EPC2: variants seen among roughly 807,000 people sequenced by gnomAD.
EPC2 encodes enhancer of polycomb homolog 2.
In EPC2, 14 loss-of-function variants were observed where a neutral mutation model predicts 92.1. The observed-to-expected ratio is 0.15, with a 90% CI of 0.10 to 0.24. EPC2 has a LOEUF of 0.24. Ranked by LOEUF, EPC2 falls within the 10% of genes least tolerant of loss-of-function variation. EPC2 has a pLI of 1.00. For synonymous variants in EPC2, 340 were observed against 334.7 expected, an observed-to-expected ratio of 1.02 and a Z score of -0.17; for missense variants, 755 against 971.5, an observed-to-expected ratio of 0.78 and a Z score of 2.96.
Position 148,699,692 on chromosome 2 carries a change from G to T in EPC2, c.313+9319G>T, listed in dbSNP as rs115188099. ...CAGTTTCACAGCTATAAATAAAACT[G>T]CTCTAAACATTTGTATGTAGGTTTT... is the stretch of plus-strand genomic sequence containing the variant. On this transcript the variant is annotated intron_variant, in intron 2 of 13. Transcript: ENST00000258484. 7.1e-3 allele frequency among the ~76,000 whole-genome samples: 1,085 copies of T among 152,236 alleles called. 5 individuals carry two copies. Among genetic ancestry groups the T allele is most frequent in the African/African-American group, 0.025 (1,019 of 41,534 alleles).
At chr2:148,646,197 C>T (rs1683797651) in intron 1 of EPC2, among the ~76,000 whole-genome samples, 1 of 152,136 alleles carries the variant, frequency 6.6e-6, no homozygotes, top group Non-Finnish European at 1.5e-5. Context: ...TGGATTGGTT[C>T]TCTTGCTTCA....
chr2:148,720,783 C>A (rs1682354569), intron 2 of EPC2, among the ~76,000 whole-genome samples: 1 of 152,190 alleles, frequency 6.6e-6, no homozygotes, highest in Admixed American at 6.5e-5. Context: ...CGCCACCCTG[C>A]TTTTCCTCAT....
Position 148,781,790 on chromosome 2 carries a change from T to C in EPC2, c.1857+10T>C. 6.2e-7 allele frequency: 1 copy of C among 1,613,138 alleles called. No individual in the cohort carries two copies. Among genetic ancestry groups the C allele is most frequent in the Non-Finnish European group, 8.5e-7 (1 of 1,179,572 alleles). ...ACATCCAAAAGCACAGGTAAACTGC[T>C]CTTTTCGTCATAGTTACGTTTGTTT... On this transcript the variant is annotated intron_variant, in intron 11 of 13. Transcript: ENST00000258484.
At chr2:148,672,118 C>G (rs6744280) in intron 1 of EPC2, among the ~76,000 whole-genome samples, 1,524 of 152,234 alleles carry the variant, frequency 0.01, 25 homozygotes, top group African/African-American at 0.034. Flanking sequence ...ATTACTGACT[C>G]AGTCTTCTTA....
At chr2:148,730,464 G>A (rs2105397363) in intron 2 of EPC2, among the ~76,000 whole-genome samples, 1 of 152,320 alleles carries the variant, frequency 6.6e-6, no homozygotes, top group Middle Eastern at 3.4e-3. Context: ...TGTGGGTTTA[G>A]AGCAGTATTT....
chr2:148,763,688 T>C (rs575805947), intron 6 of EPC2, among the ~76,000 whole-genome samples: 6 of 152,332 alleles, frequency 3.9e-5, no homozygotes, highest in African/African-American at 1.4e-4. Flanking sequence ...TTCTTTCTTA[T>C]TAATCACAGG....
At chr2:148,767,672 C>G (rs1683435599) in intron 7 of EPC2, among the ~76,000 whole-genome samples, 1 of 152,118 alleles carries the variant, frequency 6.6e-6, no homozygotes, top group Admixed American at 6.5e-5. Context: ...ACATTTTAAC[C>G]AGACTTATGC....
chr2:148,716,982 C>G (rs2105388064), intron 2 of EPC2, among the ~76,000 whole-genome samples: 1 of 152,116 alleles, frequency 6.6e-6, no homozygotes, highest in African/African-American at 2.4e-5. Context: ...GTGTATGTGT[C>G]CAGGAATTTA....
intron 1 of EPC2, among the ~76,000 whole-genome samples, chr2:148,687,299 T>C (rs932552894): frequency 1.3e-5 from 2 of 152,248 alleles, no homozygotes; most frequent in African/African-American, 4.8e-5. Context: ...CTTACGGGAA[T>C]GTTGTGGCTG....
chr2:148,690,663 T>C (rs2105371603), intron 2 of EPC2, among the ~76,000 whole-genome samples: 1 of 152,084 alleles, frequency 6.6e-6, no homozygotes, highest in South Asian at 2.1e-4. Flanking sequence ...CCAAATGAGA[T>C]TTCCTTTTTT....
At chr2:148,761,741 A>G (rs1398825712) in intron 4 of EPC2, 41 bp from the exon 5 acceptor site, 1 of 1,324,340 alleles carries the variant, frequency 7.6e-7, no homozygotes, top group African/African-American at 1.5e-5. Flanking sequence ...AAATGTAGAT[A>G]ACTGTGTTGT....
intron 2 of EPC2, among the ~76,000 whole-genome samples, chr2:148,723,668 C>T (rs1054539909): frequency 6.6e-6 from 1 of 152,192 alleles, no homozygotes; most frequent in Non-Finnish European, 1.5e-5. Flanking sequence ...AAGTTTCTTA[C>T]GTGCCTACCT....
chr2:148,781,738 G>A lies in EPC2; in HGVS notation c.1815G>A (p.Gln605=), dbSNP rs778815267. Reference sequence around the variant, plus strand: ...AACTTGCCCAGCTTCAGCAGAAACAGCAATCTCAGCATTCCTCGCAACAGA... The same window carrying A: ...AACTTGCCCAGCTTCAGCAGAAACAACAATCTCAGCATTCCTCGCAACAGA... ...RQQLAQLQQK[Q]QSQHSSQQTH... Residue 605 remains glutamine (Q), a synonymous_variant, in exon 11 of 14, where the codon CAG becomes CAA. Transcript: ENST00000258484. 6.8e-6 allele frequency: 11 copies of A among 1,613,876 alleles called. No homozygotes were observed. In the African/African-American group the frequency reaches 1.2e-4, roughly 18 times the overall value.
chr2:148,765,145 A>T lies in EPC2; in HGVS notation c.1139A>T (p.Gln380Leu). 6.5e-7 allele frequency: 1 copy of T among 1,532,530 alleles called. No individual in the cohort carries two copies. Among genetic ancestry groups the T allele is most frequent in the South Asian group, 1.3e-5 (1 of 75,834 alleles). The allele number at this position is 1,532,530 out of a possible 1,614,324, so 94.9% of individuals were successfully genotyped here. ...FHSSDEDEFP[Q>L]VLSPVSEPEE... ...AGCTCAGATGAAGATGAATTTCCAC[A>T]GGTGCTTGTTTTAAAATATTTTAAA... Residue 380 changes from glutamine (Q) to leucine (L), a missense_variant and splice_region_variant, in exon 7 of 14, where the codon CAG becomes CTG. Transcript: ENST00000258484.
intron 1 of EPC2, among the ~76,000 whole-genome samples, chr2:148,656,279 G>A (rs770494009): frequency 6.6e-6 from 1 of 152,090 alleles, no homozygotes; most frequent in Non-Finnish European, 1.5e-5. Flanking sequence ...ACCTTAACCC[G>A]TCATTCCTAA....
At chr2:148,669,527 A>T (rs1203169983) in intron 1 of EPC2, among the ~76,000 whole-genome samples, 1 of 152,122 alleles carries the variant, frequency 6.6e-6, no homozygotes, top group Non-Finnish European at 1.5e-5. Context: ...AGAGAAATTT[A>T]AAAAATTAGC....
chr2:148,736,346 G>A lies in EPC2; in HGVS notation c.314-7276G>A, dbSNP rs867548608. Reference sequence around the variant, plus strand: ...GAACCTATTCAGGTTTGCTCTTGAGGTTTTTTTTGACGTGATAATATTATA... The same window carrying A: ...GAACCTATTCAGGTTTGCTCTTGAGATTTTTTTTGACGTGATAATATTATA... On this transcript the variant is annotated intron_variant, in intron 2 of 13. Coordinates refer to ENST00000258484, the MANE Select transcript of EPC2 (RefSeq NM_015630.4). 2.0e-5 allele frequency among the ~76,000 whole-genome samples: 3 copies of A among 151,852 alleles called. No individual in the cohort carries two copies. The South Asian group carries it at 6.3e-4, about 32-fold the overall frequency.
chr2:148,702,174 T>C (rs1681905660), intron 2 of EPC2, among the ~76,000 whole-genome samples: 1 of 152,202 alleles, frequency 6.6e-6, no homozygotes, highest in Admixed American at 6.5e-5. Context: ...AACTGATTTC[T>C]TATCATTTTA....
intron 2 of EPC2, among the ~76,000 whole-genome samples, chr2:148,731,922 T>C (rs1682640212): frequency 6.6e-6 from 1 of 152,266 alleles, no homozygotes; most frequent in African/African-American, 2.4e-5. Flanking sequence ...AGGTTTAATT[T>C]AGCTTCTGTG....
Sources: allele counts gnomAD v4.1 joint callset (sites outside exome capture counted in the v4.1 genomes callset), GRCh38; gene constraint gnomAD v4.1.1; transcripts MANE v1.5; gene names NCBI Gene and HGNC (gene_info 2026-07-23, HGNC 2026-07-21).